THSD7B: variants seen among roughly 807,000 people sequenced by gnomAD.
THSD7B encodes the protein thrombospondin type-1 domain-containing protein 7B.
A neutral mutation model predicts 213.6 loss-of-function variants in THSD7B; 138 were observed. The observed-to-expected ratio is 0.65, with a 90% confidence interval of 0.56 to 0.74. THSD7B has a LOEUF of 0.74. Ranked by LOEUF, THSD7B falls within the 30% of genes least tolerant of loss-of-function variation. THSD7B has a pLI of 0.00. For missense variants in THSD7B, 1,931 were observed against 1,991.5 expected (o/e 0.97, Z 0.58); for synonymous variants, 742 against 687.0 (o/e 1.08, Z -1.25).
In THSD7B at chr2:137,008,537, A is replaced by G. The variant is rs555985814; in HGVS notation, c.140-47883A>G. 7.9e-5 allele frequency among the ~76,000 whole-genome samples: 12 copies of G among 152,284 alleles called. No individual in the cohort carries two copies. In the South Asian group the frequency reaches 1.0e-3, roughly 13 times the overall value. ...ATAGTACTTTAGTTAACCAGGTAGA[A>G]GTAAGCTCTCTTATAATAAGATTAA... is the stretch of plus-strand genomic sequence containing the variant. On this transcript the variant is annotated intron_variant, in intron 2 of 27. Coordinates refer to ENST00000409968, the MANE Select transcript of THSD7B (RefSeq NM_001316349.2).
At chr2:137,306,196 G>T (rs1227813283) in intron 12 of THSD7B, among the ~76,000 whole-genome samples, 4 of 152,072 alleles carry the variant, frequency 2.6e-5, no homozygotes, top group African/African-American at 9.7e-5. Context: ...ATAATACATT[G>T]TGCTGTGATG....
At chr2:136,870,579 G>A (rs1453406824) in intron 1 of THSD7B, among the ~76,000 whole-genome samples, 1 of 152,212 alleles carries the variant, frequency 6.6e-6, no homozygotes, top group African/African-American at 2.4e-5. Flanking sequence ...TAGGGACAGA[G>A]TCATCTCAGT....
At chr2:136,924,699 C>T (rs2105038849) in intron 2 of THSD7B, among the ~76,000 whole-genome samples, 2 of 152,134 alleles carry the variant, frequency 1.3e-5, no homozygotes, top group East Asian at 3.9e-4. Context: ...GATTTGTTTT[C>T]TATTTCTACA....
Position 137,070,793 on chromosome 2 carries a change from A to G in THSD7B, c.950+13563A>G, listed in dbSNP as rs188064012. The stretch of plus-strand genomic sequence containing the variant: ...TGTTCTCATTGTTCAATTCCCACCT[A>G]TGCGTGAGAACATGCGGTGTTTGGT... On this transcript the variant is annotated intron_variant, in intron 3 of 27. Transcript: ENST00000409968. Among the ~76,000 whole-genome samples, 90 of 151,634 alleles carry G rather than the reference A, an allele frequency of 5.9e-4. No individual in the cohort carries two copies. The East Asian group carries it at 0.016, about 26-fold the overall frequency.
intron 5 of THSD7B, among the ~76,000 whole-genome samples, chr2:137,149,524 C>T (rs1679772253): frequency 6.6e-6 from 1 of 152,206 alleles, no homozygotes; most frequent in Non-Finnish European, 1.5e-5. Flanking sequence ...GCTGCAGACA[C>T]TCAATGCCAC....
At chr2:137,218,182 C>G (rs2105041461) in intron 7 of THSD7B, among the ~76,000 whole-genome samples, 1 of 152,058 alleles carries the variant, frequency 6.6e-6, no homozygotes, top group Non-Finnish European at 1.5e-5. Context: ...GGACATGTTT[C>G]TTTTTTATTT....
rs199922314 is a variant in THSD7B, at chr2:137,120,084, AT to A, written c.1369+4795del. On this transcript the variant is annotated intron_variant, in intron 5 of 27. Coordinates refer to ENST00000409968, the MANE Select transcript of THSD7B (RefSeq NM_001316349.2). ...GAGACTGTTTAAGTGGGCTTATAGC[AT>A]TTTCTCTTGCTTTATGCTAAGAGAG... Among the ~76,000 whole-genome samples the A allele has an allele frequency of 4.5e-3, 691 of 152,238 alleles. 3 individuals are homozygous for A. The highest frequency in any genetic ancestry group is 7.1e-3 in the Non-Finnish European group (480 of 68,006).
At chr2:137,170,313 G>A (rs1483237673) in intron 6 of THSD7B, among the ~76,000 whole-genome samples, 3 of 152,116 alleles carry the variant, frequency 2.0e-5, no homozygotes, top group East Asian at 1.9e-4. Flanking sequence ...ATGGTCAGGC[G>A]CCATGGAGAT....
intron 10 of THSD7B, among the ~76,000 whole-genome samples, chr2:137,242,977 C>T (rs143597832): frequency 2.6e-5 from 4 of 152,230 alleles, no homozygotes; most frequent in East Asian, 3.9e-4. Flanking sequence ...ATGCTCACAT[C>T]ACTGATTAAT....
chr2:137,150,643 C>T (rs1679798911), intron 5 of THSD7B, among the ~76,000 whole-genome samples: 1 of 152,122 alleles, frequency 6.6e-6, no homozygotes, highest in African/African-American at 2.4e-5. Flanking sequence ...TCATAAATTA[C>T]CCAGTCTCGG....
At chr2:137,417,541 G>T (rs1210469899) in intron 14 of THSD7B, among the ~76,000 whole-genome samples, 1 of 152,166 alleles carries the variant, frequency 6.6e-6, no homozygotes, top group Non-Finnish European at 1.5e-5. Context: ...CTGGGCTCAA[G>T]TGATCCTCCC....
intron 15 of THSD7B, among the ~76,000 whole-genome samples, chr2:137,480,767 G>A (rs1688288497): frequency 1.3e-5 from 2 of 152,172 alleles, no homozygotes; most frequent in Admixed American, 1.3e-4. Context: ...CCCATGCAAT[G>A]GGCTACTGGA....
At chr2:137,319,374 G>C (rs1684212727) in intron 12 of THSD7B, among the ~76,000 whole-genome samples, 1 of 151,942 alleles carries the variant, frequency 6.6e-6, no homozygotes. Flanking sequence ...CATGTGATCT[G>C]TACCATGATG....
intron 14 of THSD7B, among the ~76,000 whole-genome samples, chr2:137,414,794 G>T (rs533777758): frequency 6.6e-6 from 1 of 152,176 alleles, no homozygotes; most frequent in South Asian, 2.1e-4. Context: ...AGTGGCTCAT[G>T]CCTGTAATCC....
intron 12 of THSD7B, among the ~76,000 whole-genome samples, chr2:137,393,100 T>G (rs1287170601): frequency 6.6e-6 from 1 of 151,850 alleles, no homozygotes; most frequent in African/African-American, 2.4e-5. Context: ...TTATGAAGCT[T>G]GATCTTACTA....
chr2:137,253,716 A>T (rs1682240336), intron 10 of THSD7B, among the ~76,000 whole-genome samples: 1 of 152,198 alleles, frequency 6.6e-6, no homozygotes, highest in Non-Finnish European at 1.5e-5. Flanking sequence ...AATTGAATAA[A>T]TTAGCTTTGA....
intron 5 of THSD7B, among the ~76,000 whole-genome samples, chr2:137,149,607 G>T (rs191825075): frequency 6.4e-4 from 97 of 152,336 alleles, no homozygotes; most frequent in African/African-American, 2.2e-3. Flanking sequence ...GGCCATGAGA[G>T]CCCACCTCTT....
At chr2:136,830,698 T>A (rs1021382588) in intron 1 of THSD7B, among the ~76,000 whole-genome samples, 2 of 152,228 alleles carry the variant, frequency 1.3e-5, no homozygotes, top group Admixed American at 6.5e-5. Flanking sequence ...ACACCTTTAC[T>A]TAGCTATTTC....
intron 27 of THSD7B, among the ~76,000 whole-genome samples, chr2:137,672,773 G>GA (rs1339492374): frequency 6.6e-6 from 1 of 152,124 alleles, no homozygotes; most frequent in Non-Finnish European, 1.5e-5. Flanking sequence ...ATGCTTCTGA[G>GA]AAAATGTCAA....
Sources: allele counts gnomAD v4.1 joint callset (sites outside exome capture counted in the v4.1 genomes callset), GRCh38; gene constraint gnomAD v4.1.1; transcripts MANE v1.5; gene names NCBI Gene and HGNC (gene_info 2026-07-23, HGNC 2026-07-21).